Variants in ALG6 observed in about 807,000 individuals in gnomAD.
ALG6 encodes the protein dolichyl pyrophosphate Man9GlcNAc2 alpha-1,3-glucosyltransferase.
A neutral mutation model predicts 66.6 loss-of-function variants in ALG6; 46 were observed. The observed-to-expected ratio is 0.69, with a 90% CI of 0.55 to 0.88. ALG6 has a LOEUF of 0.88. ALG6 is among the 40% of genes least tolerant of loss of function. The pLI is 0.00. For synonymous variants in ALG6, 185 were observed against 203.7 expected (o/e 0.91, Z 0.78); for missense variants, 505 against 586.8 (o/e 0.86, Z 1.44).
chr1:63,370,945 G>A lies in ALG6; in HGVS notation c.-33G>A. The stretch of plus-strand genomic sequence containing the variant: ...TTAAAAGTACTCTGGCACTGGTGCT[G>A]TGTTTTCTTCCCCTCCCTAAATTTG... On this transcript the variant is annotated 5_prime_UTR_variant, in exon 2 of 15. The change creates a new upstream start codon in the 5' untranslated region. Coordinates refer to ENST00000263440, the MANE Select transcript of ALG6 (RefSeq NM_013339.4). 1 of 1,345,530 alleles carries A rather than the reference G, an allele frequency of 7.4e-7. No homozygotes were observed. Among genetic ancestry groups the A allele is most frequent in the South Asian group, 1.2e-5 (1 of 85,712 alleles). The allele number at this position is 1,345,530 out of a possible 1,614,324, so 83.3% of individuals were successfully genotyped here. A position where few individuals can be genotyped will look rare whatever the true frequency, so the allele number is the denominator to read the frequency against.
At chr1:63,421,067 A>G (rs954393106) in intron 12 of ALG6, among the ~76,000 whole-genome samples, 2 of 151,936 alleles carry the variant, frequency 1.3e-5, no homozygotes, top group Non-Finnish European at 1.5e-5. Context: ...AAAAAAAAAA[A>G]GAAGTGAGTG....
rs762602451 is a variant in ALG6 at position 63,437,066 on chromosome 1, A to G, written c.*46A>G. 1.3e-6 allele frequency: 2 copies of G among 1,548,660 alleles called. No individual in the cohort carries two copies. The highest frequency in any genetic ancestry group is 4.5e-5 in the East Asian group (2 of 44,168). On this transcript the variant is annotated 3_prime_UTR_variant, in exon 15 of 15. Coordinates refer to ENST00000263440, the MANE Select transcript of ALG6 (RefSeq NM_013339.4). ...TTTCCTAAACAAATGTGAAAATGTG[A>G]ACAGTGCTGAAAGGTTTTGTGAACT... is the stretch of plus-strand genomic sequence containing the variant.
chr1:63,385,953 G>A (rs1648491301), intron 2 of ALG6, among the ~76,000 whole-genome samples: 1 of 152,136 alleles, frequency 6.6e-6, no homozygotes, highest in African/African-American at 2.4e-5. Flanking sequence ...CTGTGGGTCT[G>A]TCATGTATGG....
rs1399612410 is a variant in ALG6, at chr1:63,438,535, A to C, written c.*1515A>C. ...ATTTGGAAATAAAAGTATTATGTAC[A>C]TATATTAGTAAAATGAAATGCACCT... On this transcript the variant is annotated 3_prime_UTR_variant, in exon 15 of 15. Coordinates refer to ENST00000263440, the MANE Select transcript of ALG6 (RefSeq NM_013339.4). The C allele has an allele frequency of 1.3e-5, 2 of 152,232 alleles. No homozygotes were observed. The highest frequency in any genetic ancestry group is 4.8e-5 in the African/African-American group (2 of 41,464). 9.4% of individuals were successfully genotyped at this position (152,232 alleles called of 1,614,324 possible).
rs545763243 is a variant in ALG6, at chr1:63,427,086, C to T, written c.1059-1647C>T. Among the ~76,000 whole-genome samples the T allele has an allele frequency of 3.1e-3, 470 of 152,034 alleles. 1 individual carries two copies. The highest frequency in any genetic ancestry group is 0.011 in the African/African-American group (444 of 41,466). ...CACGATCTCGGCTCACTGCAACCTC[C>T]GACTCCCTGGTTCAAGCAATTCTCC... On this transcript the variant is annotated intron_variant, in intron 12 of 14. Coordinates refer to ENST00000263440, the MANE Select transcript of ALG6 (RefSeq NM_013339.4).
At chr1:63,369,412 T>C (rs963068790) in intron 1 of ALG6, among the ~76,000 whole-genome samples, 3 of 152,292 alleles carry the variant, frequency 2.0e-5, no homozygotes, top group South Asian at 4.1e-4. Context: ...GTGGATCACC[T>C]GAGGTCAGGA....
chr1:63,393,927 TAG>T lies in ALG6; in HGVS notation c.83-2580_83-2579del, dbSNP rs146285307. ...ACTTATTAAGTTTCTTTCTGAGAGA[TAG>T]AGAGACAGAGACCCACACACATGCG... is the stretch of plus-strand genomic sequence containing the variant. On this transcript the variant is annotated intron_variant, in intron 2 of 14. Coordinates refer to ENST00000263440, the MANE Select transcript of ALG6 (RefSeq NM_013339.4). Among the ~76,000 whole-genome samples the T allele has an allele frequency of 1.4e-4, 21 of 152,164 alleles. 1 individual carries two copies. Among genetic ancestry groups the T allele is most frequent in the Non-Finnish European group, 8.8e-5 (6 of 68,030 alleles).
intron 11 of ALG6, among the ~76,000 whole-genome samples, chr1:63,416,675 C>T (rs1472729988): frequency 6.6e-6 from 1 of 152,022 alleles, no homozygotes; most frequent in Non-Finnish European, 1.5e-5. Context: ...GGGGGCAGAT[C>T]TCTGTTTTAG....
chr1:63,413,192 A>G (rs1644525051), intron 9 of ALG6, among the ~76,000 whole-genome samples: 1 of 152,230 alleles, frequency 6.6e-6, no homozygotes. Context: ...AGTATGTAGC[A>G]GAACTGTGAC....
intron 14 of ALG6, 107 bp from the exon 15 acceptor site, chr1:63,436,716 T>A: frequency 9.0e-7 from 1 of 1,116,674 alleles, no homozygotes; most frequent in Non-Finnish European, 1.3e-6. Flanking sequence ...AATTAGACCC[T>A]CAACCCTCAC....
intron 1 of ALG6, among the ~76,000 whole-genome samples, chr1:63,370,423 G>A (rs1005382326): frequency 2.0e-5 from 3 of 152,248 alleles, no homozygotes; most frequent in African/African-American, 7.2e-5. Flanking sequence ...CTTTGTCTAC[G>A]GTTGTGGTTT....
At chr1:63,397,657 T>C (rs894619584) in intron 3 of ALG6, among the ~76,000 whole-genome samples, 1 of 152,212 alleles carries the variant, frequency 6.6e-6, no homozygotes, top group Non-Finnish European at 1.5e-5. Context: ...CTCTCTATCA[T>C]AATTGAGCAG....
At chr1:63,421,394 C>A (rs1390726053) in intron 12 of ALG6, among the ~76,000 whole-genome samples, 1 of 152,046 alleles carries the variant, frequency 6.6e-6, no homozygotes, top group Non-Finnish European at 1.5e-5. Context: ...TTAGTTCAAC[C>A]ATTGTGGAAG....
chr1:63,418,280 TTAA>T (rs1170574047), intron 11 of ALG6, among the ~76,000 whole-genome samples: 2 of 148,030 alleles, frequency 1.4e-5, no homozygotes, highest in Non-Finnish European at 3.0e-5. Context: ...AATATTAAAT[TTAA>T]TAATTTAATA....
At chr1:63,400,622 T>A (rs1644460587) in intron 3 of ALG6, among the ~76,000 whole-genome samples, 1 of 151,938 alleles carries the variant, frequency 6.6e-6, no homozygotes, top group Non-Finnish European at 1.5e-5. Flanking sequence ...CCTCTTTTAC[T>A]CATCTCCAGT....
chr1:63,407,053 T>C lies in ALG6; in HGVS notation c.430-9T>C. On this transcript the variant is annotated splice_polypyrimidine_tract_variant and intron_variant, in intron 6 of 14. Transcript: ENST00000263440. ...TTACTTTCTTATCTCACAATATTTG[T>C]CTTTACAGATTGCTAATGCATTATG... 6.2e-7 allele frequency: 1 copy of C among 1,600,248 alleles called. No individual in the cohort carries two copies. Among genetic ancestry groups the C allele is most frequent in the Non-Finnish European group, 8.6e-7 (1 of 1,167,946 alleles).
chr1:63,390,844 C>T (rs1648648219), intron 2 of ALG6, among the ~76,000 whole-genome samples: 1 of 152,230 alleles, frequency 6.6e-6, no homozygotes, highest in South Asian at 2.1e-4. Flanking sequence ...CAGATTCTCT[C>T]TTCATGCCAT....
At chr1:63,421,240 G>A (rs1463829127) in intron 12 of ALG6, among the ~76,000 whole-genome samples, 3 of 152,072 alleles carry the variant, frequency 2.0e-5, no homozygotes, top group African/African-American at 4.8e-5. Flanking sequence ...GTGCAATAGC[G>A]TGATCTTGGC....
intron 2 of ALG6, among the ~76,000 whole-genome samples, chr1:63,374,510 C>T (rs914665306): frequency 2.0e-5 from 3 of 151,982 alleles, no homozygotes; most frequent in Non-Finnish European, 4.4e-5. Context: ...TGCCTGTAGT[C>T]CCAGCTATTC....
Sources: allele counts gnomAD v4.1 joint callset (sites outside exome capture counted in the v4.1 genomes callset), GRCh38; gene constraint gnomAD v4.1.1; transcripts MANE v1.5; gene names NCBI Gene and HGNC (gene_info 2026-07-23, HGNC 2026-07-21).